MFAP3L: variants seen among roughly 807,000 people sequenced by gnomAD.
The protein encoded by MFAP3L is microfibrillar-associated protein 3-like.
In MFAP3L, 5 loss-of-function variants were observed where a neutral mutation model predicts 20.0. The observed-to-expected ratio is 0.25, with a 90% CI of 0.13 to 0.53. The LOEUF (loss-of-function observed/expected upper bound fraction) is 0.53, where lower values mean the gene tolerates loss of function less well. MFAP3L is among the 20% of genes least tolerant of loss of function. The pLI, the probability that MFAP3L is intolerant of heterozygous loss-of-function variation, is 0.96. For missense variants in MFAP3L, 409 were observed against 527.5 expected (o/e 0.78, Z 2.20); for synonymous variants, 219 against 213.0 (o/e 1.03, Z -0.25).
chr4:170,005,659 G>T lies in MFAP3L; in HGVS notation c.219C>A (p.Ile73=). The change falls in exon 2 of 3, where the codon ATC becomes ATA. Residue 73 remains isoleucine (I), a synonymous_variant. Transcript: ENST00000361618. Reference sequence around the variant, plus strand: ...TATACCACTTGAACTGTGGGTCAGGGATGCCATAAACACTACAGTTAATCA... The same window carrying T: ...TATACCACTTGAACTGTGGGTCAGGTATGCCATAAACACTACAGTTAATCA... ...SALINCSVYG[I]PDPQFKWYNS... 1 of 1,614,188 alleles carries T rather than the reference G, an allele frequency of 6.2e-7. No homozygotes were observed. Among genetic ancestry groups the T allele is most frequent in the Non-Finnish European group, 8.5e-7 (1 of 1,180,034 alleles).
intron 1 of MFAP3L, among the ~76,000 whole-genome samples, chr4:170,012,224 G>A (rs987892769): frequency 1.3e-5 from 2 of 152,136 alleles, no homozygotes; most frequent in Admixed American, 1.3e-4. Context: ...AAAAGCAGTG[G>A]GGAAGGAAAG....
intron 2 of MFAP3L, among the ~76,000 whole-genome samples, chr4:170,004,715 C>T (rs1738916300): frequency 6.6e-6 from 1 of 152,164 alleles, no homozygotes; most frequent in African/African-American, 2.4e-5. Context: ...GGGGATTGCT[C>T]ATTGGTTAAA....
intron 1 of MFAP3L, among the ~76,000 whole-genome samples, chr4:170,017,146 A>G (rs911217379): frequency 1.3e-5 from 2 of 152,182 alleles, no homozygotes; most frequent in Non-Finnish European, 2.9e-5. Flanking sequence ...AGATGCACTC[A>G]ATAACTGGAG....
At chr4:170,008,477 G>C (rs906854955) in intron 1 of MFAP3L, among the ~76,000 whole-genome samples, 7 of 152,128 alleles carry the variant, frequency 4.6e-5, no homozygotes, top group African/African-American at 1.4e-4. Flanking sequence ...CAGGATTTAG[G>C]GGATGGGAAG....
chr4:170,008,288 C>A (rs966945551), intron 1 of MFAP3L, among the ~76,000 whole-genome samples: 1 of 152,160 alleles, frequency 6.6e-6, no homozygotes, highest in Admixed American at 6.5e-5. Context: ...GAAGACATAA[C>A]GCATCATTTA....
At position 169,987,036 on chromosome 4, in the gene MFAP3L, CTA is replaced by C. The variant is rs1737324393; in HGVS notation, c.*4340_*4341del. On this transcript the variant is annotated 3_prime_UTR_variant, in exon 3 of 3. Coordinates refer to ENST00000361618, the MANE Select transcript of MFAP3L (RefSeq NM_021647.8). Reference sequence around the variant, plus strand: ...CTTAGTATCAGCCTCTTTATAAATTCTATCTCTAAAAAATCTGTTAAAGATCA... The same window carrying C: ...CTTAGTATCAGCCTCTTTATAAATTCTCTCTAAAAAATCTGTTAAAGATCA... 2 of 152,248 alleles carry C rather than the reference CTA, an allele frequency of 1.3e-5. No individual in the cohort carries two copies. The highest frequency in any genetic ancestry group is 4.1e-4 in the South Asian group (2 of 4,824). The allele number at this position is 152,248 out of a possible 1,614,324, so 9.4% of individuals were successfully genotyped here.
At position 169,991,106 on chromosome 4, in the gene MFAP3L, A is replaced by C; in HGVS notation, c.*272T>G. The stretch of plus-strand genomic sequence containing the variant: ...CCAAGAAGGCATCACCAATTAAGGT[A>C]TTTGGCAGAGATCAGCCTCTGAAAC... On this transcript the variant is annotated 3_prime_UTR_variant, in exon 3 of 3. Coordinates refer to ENST00000361618, the MANE Select transcript of MFAP3L (RefSeq NM_021647.8). This position sits in a 1 kb window ranked among gnomAD's most constrained non-coding sequence, Gnocchi z 4.9. 2.1e-6 allele frequency: 1 copy of C among 480,322 alleles called. No homozygotes were observed. The highest frequency in any genetic ancestry group is 3.4e-5 in the East Asian group (1 of 28,994). The allele number at this position is 480,322 out of a possible 1,614,324, so 29.8% of individuals were successfully genotyped here. A position where few individuals can be genotyped will look rare whatever the true frequency, so the allele number is the denominator to read the frequency against.
At chr4:169,998,557 C>T (rs184055760) in intron 2 of MFAP3L, among the ~76,000 whole-genome samples, 24 of 151,954 alleles carry the variant, frequency 1.6e-4, no homozygotes, top group African/African-American at 5.1e-4. Context: ...GATCACTGAG[C>T]GTTAAAAATT....
chr4:170,020,122 G>C (rs1739935514), intron 1 of MFAP3L, among the ~76,000 whole-genome samples: 1 of 152,136 alleles, frequency 6.6e-6, no homozygotes, highest in African/African-American at 2.4e-5. Flanking sequence ...GTTAAGCACA[G>C]GCAGTGGAAG....
chr4:170,005,995 G>T lies in MFAP3L; in HGVS notation c.-118C>A. On this transcript the variant is annotated 5_prime_UTR_variant, in exon 2 of 3. An upstream open reading frame in the 5' UTR gains an earlier in-frame stop. Coordinates refer to ENST00000361618, the MANE Select transcript of MFAP3L (RefSeq NM_021647.8). ...AACCTGTCCTGGGTCCATAGAGTTG[G>T]TACTTGAGCAAGAACCTGTTTTTAA... The T allele has an allele frequency of 6.9e-7, 1 of 1,444,170 alleles. No homozygotes were observed. Among genetic ancestry groups the T allele is most frequent in the South Asian group, 1.5e-5 (1 of 67,170 alleles). 89.5% of individuals were successfully genotyped at this position (1,444,170 alleles called of 1,614,324 possible). A position where few individuals can be genotyped will look rare whatever the true frequency, so the allele number is the denominator to read the frequency against.
At chr4:170,024,194 G>A (rs1277739863) in intron 1 of MFAP3L, among the ~76,000 whole-genome samples, 1 of 152,144 alleles carries the variant, frequency 6.6e-6, no homozygotes, top group African/African-American at 2.4e-5. Context: ...TTAGGTTAGG[G>A]AAATGTGGAC....
intron 2 of MFAP3L, chr4:170,002,176 T>C: frequency 2.0e-6 from 2 of 985,374 alleles, no homozygotes; most frequent in African/African-American, 1.7e-5. Context: ...GTTCTTCTCA[T>C]ATTCACTCAG....
Position 170,003,751 on chromosome 4 carries a change from A to T in MFAP3L, c.298+1829T>A, listed in dbSNP as rs1252560844. On this transcript the variant is annotated intron_variant, in intron 2 of 2. Transcript: ENST00000361618. The stretch of plus-strand genomic sequence containing the variant: ...TTGATTCAGTCACCGTGGGTTCCCT[A>T]GCGATAGCTCAGCCCTGCAGAAAGA... 4.1e-6 allele frequency: 4 copies of T among 985,346 alleles called. No homozygotes were observed. In the African/African-American group the frequency reaches 7.0e-5, roughly 17 times the overall value. 61.0% of individuals were successfully genotyped at this position (985,346 alleles called of 1,614,324 possible). A position where few individuals can be genotyped will look rare whatever the true frequency, so the allele number is the denominator to read the frequency against.
In MFAP3L at chr4:169,991,144, A is replaced by G; in HGVS notation, c.*234T>C. The G allele has an allele frequency of 3.6e-6, 2 of 559,186 alleles. No individual in the cohort carries two copies. The highest frequency in any genetic ancestry group is 6.3e-6 in the Non-Finnish European group (2 of 317,418). 34.6% of individuals were successfully genotyped at this position (559,186 alleles called of 1,614,324 possible). On this transcript the variant is annotated 3_prime_UTR_variant, in exon 3 of 3. Transcript: ENST00000361618. The surrounding 1 kb of genome is among the most constrained non-coding windows in gnomAD (Gnocchi z 4.9). ...CAGCCTCTGAAACTCATTATCACAT[A>G]GACACCTTCTGTCTGGTATCAATTC...
At chr4:170,000,127 C>T (rs1420403713) in intron 2 of MFAP3L, among the ~76,000 whole-genome samples, 1 of 152,180 alleles carries the variant, frequency 6.6e-6, no homozygotes. Context: ...TTGTAATTTC[C>T]ACATACACTG....
intron 2 of MFAP3L, among the ~76,000 whole-genome samples, chr4:170,004,219 A>G (rs1205750447): frequency 1.3e-5 from 2 of 152,088 alleles, no homozygotes; most frequent in Admixed American, 1.3e-4. Flanking sequence ...GGCCTCCCAA[A>G]GTGCTGGGAT....
chr4:170,012,217 A>G (rs1739427897), intron 1 of MFAP3L, among the ~76,000 whole-genome samples: 1 of 152,192 alleles, frequency 6.6e-6, no homozygotes, highest in South Asian at 2.1e-4. Flanking sequence ...CTGAACCAAA[A>G]GCAGTGGGGA....
chr4:170,017,332 C>A (rs1459194398), intron 1 of MFAP3L, among the ~76,000 whole-genome samples: 1 of 152,148 alleles, frequency 6.6e-6, no homozygotes, highest in African/African-American at 2.4e-5. Flanking sequence ...TCAAACCCTA[C>A]TGGATTTAAT....
Position 170,005,899 on chromosome 4 carries a change from G to A in MFAP3L, c.-22C>T. Reference sequence around the variant, plus strand: ...CCATCTTCTTTGCTTGCTCTGTAAGGCAATAGAGAGATGGTTTGCCAACCG... The same window carrying A: ...CCATCTTCTTTGCTTGCTCTGTAAGACAATAGAGAGATGGTTTGCCAACCG... On this transcript the variant is annotated 5_prime_UTR_variant, in exon 2 of 3. Coordinates refer to ENST00000361618, the MANE Select transcript of MFAP3L (RefSeq NM_021647.8). 1 of 1,604,160 alleles carries A rather than the reference G, an allele frequency of 6.2e-7. No individual in the cohort carries two copies. Among genetic ancestry groups the A allele is most frequent in the Non-Finnish European group, 8.5e-7 (1 of 1,173,050 alleles).
Sources: gnomAD v4.1 joint callset for allele counts (sites outside exome capture counted in the v4.1 genomes callset) on GRCh38, gnomAD v4.1.1 for gene constraint, Gnocchi (gnomAD v3.1) non-coding constraint, MANE v1.5 for transcripts, NCBI Gene and HGNC (gene_info 2026-07-23, HGNC 2026-07-21) for gene names.